AP3D1: variants seen among roughly 807,000 people sequenced by gnomAD.
AP3D1 encodes adaptor related protein complex 3 subunit delta 1, also known as AP-3 complex subunit delta-1.
A neutral mutation model predicts 147.6 loss-of-function variants in AP3D1; 51 were observed. The ratio of observed to expected loss-of-function variants is 0.35; its 90% CI spans 0.28 to 0.44. The LOEUF (loss-of-function observed/expected upper bound fraction) is 0.44. Among genes scored for constraint, AP3D1 ranks in the 20% least tolerant of loss-of-function variants. The probability of loss-of-function intolerance (pLI) is 1.00; values close to 1 mark genes in which losing one functional copy is unlikely to be tolerated. For synonymous variants in AP3D1, 760 were observed against 663.0 expected, an observed-to-expected ratio of 1.15 and a Z score of -2.25; for missense variants, 1,421 against 1,624.2, an observed-to-expected ratio of 0.87 and a Z score of 2.15.
chr19:2,157,452 A>AG (rs2019656056), intron 1 of AP3D1, among the ~76,000 whole-genome samples: 1 of 116,028 alleles, frequency 8.6e-6, no homozygotes. Flanking sequence ...AAAAAAAAAA[A>AG]AAAAAAAAGA....
At chr19:2,142,096 T>G (rs1366055682) in intron 1 of AP3D1, among the ~76,000 whole-genome samples, 1 of 150,814 alleles carries the variant, frequency 6.6e-6, no homozygotes, top group African/African-American at 2.4e-5. Flanking sequence ...CGGCTCACTG[T>G]AACCTCCGCC....
intron 1 of AP3D1, among the ~76,000 whole-genome samples, chr19:2,143,575 G>A (rs2019279878): frequency 6.6e-6 from 1 of 151,882 alleles, no homozygotes; most frequent in Non-Finnish European, 1.5e-5. Context: ...GTGTAGAGAG[G>A]AGGTTTTTGA....
At chr19:2,135,587 G>C (rs74254215) in intron 4 of AP3D1, among the ~76,000 whole-genome samples, 9,314 of 152,278 alleles carry the variant, frequency 0.061, 348 homozygotes, top group East Asian at 0.14. Context: ...GCAAACATCG[G>C]AAGCACGTGA....
At chr19:2,127,714 A>T (rs1272006060) in intron 8 of AP3D1, among the ~76,000 whole-genome samples, 7 of 152,154 alleles carry the variant, frequency 4.6e-5, no homozygotes, top group Non-Finnish European at 1.0e-4. Flanking sequence ...TTAGGTAGAG[A>T]CGGGGTTTCA....
At chr19:2,143,389 C>G (rs772821758) in intron 1 of AP3D1, among the ~76,000 whole-genome samples, 6 of 151,718 alleles carry the variant, frequency 4.0e-5, no homozygotes, top group Non-Finnish European at 7.4e-5. Context: ...TACAGGCGCC[C>G]GCGACCATGC....
rs1316355428 is a variant in AP3D1, at chr19:2,110,738, A to G, written c.3144T>C (p.Asp1048=). The change falls in exon 27 of 32, where the codon GAT becomes GAC. Residue 1048 remains aspartate (D), a synonymous_variant. Transcript: ENST00000643116. ...MARPQGSSVH[D]GVPVPFQLPP... is the part of the protein sequence containing the mutation. ...GCAGCTGGAAAGGCACGGGGACGCC[A>G]TCGTGGACGGAGGAGCCCTGCGGCC... is the stretch of plus-strand genomic sequence containing the variant. 6.2e-7 allele frequency: 1 copy of G among 1,608,816 alleles called. No individual in the cohort carries two copies. The highest frequency in any genetic ancestry group is 2.2e-5 in the East Asian group (1 of 44,718).
At chr19:2,112,251 G>C (rs1322717768) in intron 24 of AP3D1, 8 of 221,330 alleles carry the variant, frequency 3.6e-5, no homozygotes. Context: ...CAGATGAGTG[G>C]GTCAGCACAG....
chr19:2,140,655 AG>A (rs907164945), intron 1 of AP3D1, among the ~76,000 whole-genome samples: 6 of 151,652 alleles, frequency 4.0e-5, no homozygotes, highest in African/African-American at 1.5e-4. Flanking sequence ...TCAGCTTTCT[AG>A]GAACTCGGCA....
intron 27 of AP3D1, 137 bp from the exon 28 acceptor site, chr19:2,110,361 G>A: frequency 5.3e-6 from 4 of 753,816 alleles, no homozygotes; most frequent in Admixed American, 4.5e-5. Context: ...GAGCACCAGG[G>A]GACAGGAGCA....
chr19:2,110,259 C>A (rs532398748), intron 27 of AP3D1, 35 bp from the exon 28 acceptor site: 88 of 1,585,912 alleles, frequency 5.5e-5, no homozygotes, highest in Middle Eastern at 4.5e-4. Context: ...GCCTGAGACG[C>A]TGCGGGGGCT....
At chr19:2,107,239 GAC>G (rs1407037496) in intron 31 of AP3D1, among the ~76,000 whole-genome samples, 1 of 149,424 alleles carries the variant, frequency 6.7e-6, no homozygotes, top group Non-Finnish European at 1.5e-5. Flanking sequence ...CAGCCTGGGC[GAC>G]AGAGTGAGAC....
rs2018481826 is a variant in AP3D1, at chr19:2,117,232, C to A, written c.1849G>T (p.Val617Phe). 1 of 1,609,330 alleles carries A rather than the reference C, an allele frequency of 6.2e-7. No individual in the cohort carries two copies. The highest frequency in any genetic ancestry group is 2.2e-5 in the East Asian group (1 of 44,784). ...CCCCCGTATCCTTACCCTTCGGGGA[C>A]TGGAACCTTCTTCTGGGCCTTGGGG... is the stretch of plus-strand genomic sequence containing the variant. ...VAPKAQKKVP[V>F]PEGLDLDAWI... The change falls in exon 16 of 32, where the codon GTC becomes TTC. Residue 617 changes from valine (V) to phenylalanine (F), a missense_variant. Coordinates refer to ENST00000643116, the MANE Select transcript of AP3D1 (RefSeq NM_001261826.3).
At chr19:2,111,592 T>C in intron 25 of AP3D1, 87 bp downstream of exon 25, 2 of 1,469,948 alleles carry the variant, frequency 1.4e-6, no homozygotes, top group South Asian at 2.6e-5. Context: ...CTCAGTTCTC[T>C]CCCGCATGGA....
At chr19:2,105,331 C>T (rs967590461) in intron 31 of AP3D1, among the ~76,000 whole-genome samples, 10 of 152,316 alleles carry the variant, frequency 6.6e-5, no homozygotes, top group South Asian at 2.1e-4. Context: ...CTAACGCCCA[C>T]GCTGGAAGGT....
At chr19:2,148,922 G>A (rs1037414633) in intron 1 of AP3D1, among the ~76,000 whole-genome samples, 3 of 152,192 alleles carry the variant, frequency 2.0e-5, no homozygotes, top group Non-Finnish European at 4.4e-5. Flanking sequence ...TCTTTGTTCC[G>A]GGTGCAGTGG....
intron 1 of AP3D1, among the ~76,000 whole-genome samples, chr19:2,161,618 A>G (rs1164864363): frequency 6.6e-6 from 1 of 152,154 alleles, no homozygotes; most frequent in Non-Finnish European, 1.5e-5. Context: ...TTTGAGGCAT[A>G]CATGCAGACC....
intron 31 of AP3D1, among the ~76,000 whole-genome samples, chr19:2,107,129 G>A (rs551497686): frequency 3.3e-5 from 5 of 151,774 alleles, no homozygotes; most frequent in African/African-American, 1.2e-4. Flanking sequence ...CGGATGTGGT[G>A]GCGGGCGCTT....
chr19:2,129,739 G>T lies in AP3D1; in HGVS notation c.593-282C>A, dbSNP rs141240879. Among the ~76,000 whole-genome samples the T allele has an allele frequency of 1.8e-4, 28 of 152,372 alleles. 1 individual carries two copies. Among genetic ancestry groups the T allele is most frequent in the African/African-American group, 5.8e-4 (24 of 41,596 alleles). The stretch of plus-strand genomic sequence containing the variant: ...TCACCAAGCTCAGGACAGCCTGACA[G>T]CGGCCCTCTGAGTGGGGGTTTCAGC... On this transcript the variant is annotated intron_variant, in intron 6 of 31. Coordinates refer to ENST00000643116, the MANE Select transcript of AP3D1 (RefSeq NM_001261826.3).
intron 29 of AP3D1, 94 bp downstream of exon 29, chr19:2,109,779 C>T: frequency 8.1e-7 from 1 of 1,233,816 alleles, no homozygotes; most frequent in Non-Finnish European, 1.2e-6. Flanking sequence ...TAAAGTCCTG[C>T]CCAGAAGCCT....
Sources: gnomAD v4.1 joint callset for allele counts (sites outside exome capture counted in the v4.1 genomes callset) on GRCh38, gnomAD v4.1.1 for gene constraint, MANE v1.5 for transcripts, NCBI Gene and HGNC (gene_info 2026-07-23, HGNC 2026-07-21) for gene names.